RHEBL1: variants seen among roughly 807,000 people sequenced by gnomAD.
The protein encoded by RHEBL1 is RHEB like 1, also known as GTPase RhebL1.
In RHEBL1, 22 loss-of-function variants were observed where a neutral mutation model predicts 27.4. The ratio of observed to expected loss-of-function variants is 0.80; its 90% CI spans 0.57 to 1.15. The LOEUF (loss-of-function observed/expected upper bound fraction) is 1.15, where lower values mean the gene tolerates loss of function less well. Among genes scored for constraint, RHEBL1 ranks in the 50% most tolerant of loss-of-function variants. The pLI is 0.00. For missense variants in RHEBL1, 186 were observed against 226.5 expected (o/e 0.82, Z 1.15); for synonymous variants, 85 against 80.8 (o/e 1.05, Z -0.28).
intron 1 of RHEBL1, 136 bp downstream of exon 1, chr12:49,069,598 C>G: frequency 1.3e-6 from 1 of 786,786 alleles, no homozygotes; most frequent in Non-Finnish European, 2.2e-6. Context: ...TTCCATTCCT[C>G]CACTCTTCCA....
intron 1 of RHEBL1, among the ~76,000 whole-genome samples, 147 bp downstream of exon 1, chr12:49,069,576 AATCCTCCACTC>A (rs1939054266): frequency 2.1e-5 from 1 of 47,084 alleles, no homozygotes; most frequent in Non-Finnish European, 4.8e-5. Context: ...CAACTCTTCC[AATCCTCCACTC>A]TTCCATTCCT....
At position 49,069,055 on chromosome 12, in the gene RHEBL1, T is replaced by C; in HGVS notation, c.104A>G (p.Tyr35Cys). ...QFVEGEFSEG[Y>C]DPTVENTYSK... ...CTCACTATTCTCCACTGTAGGATCG[T>C]AGCCTTCCGAGAACTCGCCTTCCAC... Residue 35 changes from tyrosine to cysteine, a missense_variant, in exon 2 of 8, where the codon TAC (tyrosine) becomes TGC (cysteine). This residue lies in a region of RHEBL1 where 62 missense variants were observed against 62.1 expected (regional missense o/e 1.00). Coordinates refer to ENST00000301068, the MANE Select transcript of RHEBL1 (RefSeq NM_144593.3). The C allele has an allele frequency of 1.2e-6, 2 of 1,614,152 alleles. No homozygotes were observed. The highest frequency in any genetic ancestry group is 1.7e-6 in the Non-Finnish European group (2 of 1,180,008).
At chr12:49,065,317 C>CT (rs761932073) in intron 7 of RHEBL1, 33 bp downstream of exon 7, 1 of 1,599,736 alleles carries the variant, frequency 6.3e-7, no homozygotes, top group Non-Finnish European at 8.6e-7. Context: ...ACACAGCTAC[C>CT]ATCACCACCC....
chr12:49,066,358 C>T, intron 5 of RHEBL1, 80 bp from the exon 6 acceptor site: 4 of 1,554,188 alleles, frequency 2.6e-6, no homozygotes, highest in Non-Finnish European at 3.6e-6. Flanking sequence ...TGGACGACTC[C>T]TTATCAGACC....
chr12:49,065,492 ATCT>A lies in RHEBL1; in HGVS notation c.381-64_381-62del, dbSNP rs1938981718. On this transcript the variant is annotated intron_variant, in intron 6 of 7. Coordinates refer to ENST00000301068, the MANE Select transcript of RHEBL1 (RefSeq NM_144593.3). ...GAAATGTCAGTAAGTGCTCTGAAAA[ATCT>A]TCAGAATCAAGACTTCCTGGCCAGG... is the stretch of plus-strand genomic sequence containing the variant. The A allele has an allele frequency of 2.9e-6, 4 of 1,390,656 alleles. No homozygotes were observed. In the Admixed American group the frequency reaches 5.0e-5, roughly 18 times the overall value. 86.1% of individuals were successfully genotyped at this position (1,390,656 alleles called of 1,614,324 possible). A position where few individuals can be genotyped will look rare whatever the true frequency, so the allele number is the denominator to read the frequency against.
At chr12:49,069,188 C>A in intron 1 of RHEBL1, 82 bp from the exon 2 acceptor site, 7 of 1,608,148 alleles carry the variant, frequency 4.4e-6, no homozygotes, top group Non-Finnish European at 5.9e-6. Flanking sequence ...TGGCCCAGGA[C>A]CAAAGGAGAC....
At chr12:49,067,990 T>G (rs998152337) in intron 2 of RHEBL1, among the ~76,000 whole-genome samples, 3 of 152,202 alleles carry the variant, frequency 2.0e-5, no homozygotes, top group South Asian at 2.1e-4. Flanking sequence ...AAATGTAAAA[T>G]AGCTTATTGT....
At chr12:49,066,920 C>T in intron 3 of RHEBL1, 48 bp downstream of exon 3, 1 of 1,468,770 alleles carries the variant, frequency 6.8e-7, no homozygotes, top group Non-Finnish European at 9.5e-7. Flanking sequence ...CAGACTTCAT[C>T]TCCGAGGGCT....
In RHEBL1 at chr12:49,065,202, G is replaced by T. The variant is rs1405054241; in HGVS notation, c.463-10C>A. 1 of 1,610,308 alleles carries T rather than the reference G, an allele frequency of 6.2e-7. No individual in the cohort carries two copies. The highest frequency in any genetic ancestry group is 1.3e-5 in the African/African-American group (1 of 74,872). On this transcript the variant is annotated splice_polypyrimidine_tract_variant and intron_variant, in intron 7 of 7. Coordinates refer to ENST00000301068, the MANE Select transcript of RHEBL1 (RefSeq NM_144593.3). ...AGATGCCTTGAGTCAGCTATAAGAG[G>T]AGAGGATTCAGGGCAAAAGTCAGTT...
chr12:49,066,960 A>C lies in RHEBL1; in HGVS notation c.192+8T>G, dbSNP rs746166197. The C allele has an allele frequency of 6.2e-7, 1 of 1,610,998 alleles. No homozygotes were observed. Among genetic ancestry groups the C allele is most frequent in the South Asian group, 1.1e-5 (1 of 91,016 alleles). On this transcript the variant is annotated splice_region_variant and intron_variant, in intron 3 of 7. Coordinates refer to ENST00000301068, the MANE Select transcript of RHEBL1 (RefSeq NM_144593.3). ...TGCCACATTTGGATACCATACCCCA[A>C]CTGGTACCTGCCCTGCTGTGTCCAC... is the stretch of plus-strand genomic sequence containing the variant.
Position 49,069,972 on chromosome 12 carries a change from C to A in RHEBL1, c.-187G>T, listed in dbSNP as rs527699662. On this transcript the variant is annotated 5_prime_UTR_variant, in exon 1 of 8. Transcript: ENST00000301068. ...CTGCCCACGTGATCACAACACAGCA[C>A]GTCTAACGCCAGGGAGCCGGGCGCC... 100 of 603,160 alleles carry A rather than the reference C, an allele frequency of 1.7e-4. No homozygotes were observed. The highest frequency in any genetic ancestry group is 2.3e-4 in the Non-Finnish European group (77 of 339,076). The allele number at this position is 603,160 out of a possible 1,614,324, so 37.4% of individuals were successfully genotyped here.
At position 49,066,291 on chromosome 12, in the gene RHEBL1, A is replaced by G; in HGVS notation, c.333-13T>C. 6.2e-7 allele frequency: 1 copy of G among 1,613,194 alleles called. No individual in the cohort carries two copies. Among genetic ancestry groups the G allele is most frequent in the Non-Finnish European group, 8.5e-7 (1 of 1,179,198 alleles). On this transcript the variant is annotated splice_polypyrimidine_tract_variant and intron_variant, in intron 5 of 7. Coordinates refer to ENST00000301068, the MANE Select transcript of RHEBL1 (RefSeq NM_144593.3). ...AACCACTGGCACCCTGTGAGGAAACAGCAGTTACTTCAGAATCCCCTCATT... is the reference window on the plus strand; with the variant it reads ...AACCACTGGCACCCTGTGAGGAAACGGCAGTTACTTCAGAATCCCCTCATT...
intron 6 of RHEBL1, 136 bp downstream of exon 6, chr12:49,066,090 ATTATC>A: frequency 1.5e-6 from 1 of 665,686 alleles, no homozygotes; most frequent in East Asian, 2.7e-5. Context: ...AGATAGAAGT[ATTATC>A]TTCCTTAAGC....
intron 5 of RHEBL1, 76 bp downstream of exon 5, chr12:49,066,400 A>C: frequency 6.4e-7 from 1 of 1,564,376 alleles, no homozygotes; most frequent in Non-Finnish European, 8.8e-7. Context: ...CTCCTCTCTA[A>C]CTTGACAATT....
At position 49,065,228 on chromosome 12, in the gene RHEBL1, C is replaced by G. The variant is rs780646355; in HGVS notation, c.463-36G>C. 3 of 1,575,500 alleles carry G rather than the reference C, an allele frequency of 1.9e-6. No individual in the cohort carries two copies. In the Admixed American group the frequency reaches 5.0e-5, roughly 26 times the overall value. On this transcript the variant is annotated intron_variant, in intron 7 of 7. Transcript: ENST00000301068. Reference sequence around the variant, plus strand: ...AGAGGATTCAGGGCAAAAGTCAGTTCAGTGCCAATACCACCCAGCTCTGGG... The same window carrying G: ...AGAGGATTCAGGGCAAAAGTCAGTTGAGTGCCAATACCACCCAGCTCTGGG...
At chr12:49,066,357 C>T (rs1938997266) in intron 5 of RHEBL1, 79 bp from the exon 6 acceptor site, 2 of 1,552,272 alleles carry the variant, frequency 1.3e-6, no homozygotes, top group South Asian at 2.2e-5. Context: ...CTGGACGACT[C>T]CTTATCAGAC....
rs576264898 is a variant in RHEBL1, at chr12:49,066,746, A to C, written c.193-45T>G. 7 of 1,561,868 alleles carry C rather than the reference A, an allele frequency of 4.5e-6. No individual in the cohort carries two copies. In the South Asian group the frequency reaches 6.7e-5, roughly 15 times the overall value. ...ATCAGTACCTAGATCCAAACCACTA[A>C]GATGGCAAAGGTTGGTGGGACAACA... On this transcript the variant is annotated intron_variant, in intron 3 of 7. Transcript: ENST00000301068.
At chr12:49,065,898 C>G (rs1938989142) in intron 6 of RHEBL1, among the ~76,000 whole-genome samples, 2 of 151,540 alleles carry the variant, frequency 1.3e-5, no homozygotes, top group Admixed American at 6.6e-5. Context: ...GCACTCCAGC[C>G]TGGGCAACAG....
chr12:49,067,733 T>C (rs998225947), intron 2 of RHEBL1, among the ~76,000 whole-genome samples: 1 of 152,108 alleles, frequency 6.6e-6, no homozygotes, highest in African/African-American at 2.4e-5. Flanking sequence ...TGAGCTGAGA[T>C]TGCGGCACTG....
Sources: allele counts gnomAD v4.1 joint callset (sites outside exome capture counted in the v4.1 genomes callset), GRCh38; gene constraint gnomAD v4.1.1; regional missense constraint gnomAD v4.1.1; transcripts MANE v1.5; gene names NCBI Gene and HGNC (gene_info 2026-07-23, HGNC 2026-07-21).